ATG7: variants seen among roughly 807,000 people sequenced by gnomAD.
ATG7 encodes ubiquitin-like modifier-activating enzyme ATG7.
Under a neutral mutation model 82.4 loss-of-function variants are expected in ATG7, and 70 were observed. That is an observed-to-expected ratio of 0.85 (90% CI 0.70 to 1.04). The LOEUF is 1.04. ATG7 is among the 50% of genes least tolerant of loss of function. ATG7 has a pLI of 0.00. For synonymous variants in ATG7, 287 were observed against 313.0 expected (o/e 0.92, Z 0.88); for missense variants, 792 against 864.3 (o/e 0.92, Z 1.05).
In ATG7 at chr3:11,539,791, G is replaced by A. The variant is rs146713371; in HGVS notation, c.2080-15020G>A. On this transcript the variant is annotated intron_variant, in intron 20 of 20. Transcript: ENST00000693202. ...TGCACATTTCTGAGCTTTGAGAAAC[G>A]TACTCGCTTGTGGAACCAGCACAGT... Among the ~76,000 whole-genome samples the A allele has an allele frequency of 6.1e-4, 93 of 152,322 alleles. 1 individual carries two copies. The East Asian group carries it at 0.015, about 25-fold the overall frequency.
At chr3:11,545,286 TG>T (rs1419909332) in intron 20 of ATG7, among the ~76,000 whole-genome samples, 1 of 152,138 alleles carries the variant, frequency 6.6e-6, no homozygotes, top group Non-Finnish European at 1.5e-5. Flanking sequence ...ATGATGGGAT[TG>T]TTTTTTTGAG....
intron 20 of ATG7, among the ~76,000 whole-genome samples, chr3:11,515,463 C>T (rs2092247874): frequency 6.6e-6 from 1 of 152,166 alleles, no homozygotes; most frequent in South Asian, 2.1e-4. Context: ...GCCACCACGC[C>T]CAGCAAATTT....
rs577063912 is a variant in ATG7, at chr3:11,555,756, G to T, written c.*913G>T. 5 of 152,362 alleles carry T rather than the reference G, an allele frequency of 3.3e-5. No individual in the cohort carries two copies. Among genetic ancestry groups the T allele is most frequent in the Non-Finnish European group, 7.3e-5 (5 of 68,114 alleles). 9.4% of individuals were successfully genotyped at this position (152,362 alleles called of 1,614,324 possible). The stretch of plus-strand genomic sequence containing the variant: ...GTGCAGCTGTGAGGCCCCAACCCAG[G>T]AGAGGCCATGGCCTAGGTACCTGTG... On this transcript the variant is annotated 3_prime_UTR_variant, in exon 21 of 21. Transcript: ENST00000693202.
chr3:11,418,518 TCA>T (rs1408506376), intron 19 of ATG7, among the ~76,000 whole-genome samples: 1 of 152,214 alleles, frequency 6.6e-6, no homozygotes, highest in African/African-American at 2.4e-5. Flanking sequence ...TAAGTAAAAC[TCA>T]CAAAAGCATG....
chr3:11,337,802 G>T (rs57280872), intron 11 of ATG7, among the ~76,000 whole-genome samples: 3,167 of 151,892 alleles, frequency 0.021, 110 homozygotes, highest in African/African-American at 0.07. Context: ...GTAACCTTTT[G>T]AGTATAGAGA....
rs371374499 is a variant in ATG7, at chr3:11,485,973, C to T, written c.2079+59047C>T. Among the ~76,000 whole-genome samples, 155 of 152,200 alleles carry T rather than the reference C, an allele frequency of 1.0e-3. 1 individual carries two copies. The highest frequency in any genetic ancestry group is 1.6e-3 in the African/African-American group (65 of 41,520). On this transcript the variant is annotated intron_variant, in intron 20 of 20. Transcript: ENST00000693202. The stretch of plus-strand genomic sequence containing the variant: ...TGTAGTATAGTTTGAAGTCAGGTAG[C>T]GTGATGCCTCCAGCTTTGCTCTTTT...
intron 20 of ATG7, among the ~76,000 whole-genome samples, chr3:11,546,091 A>C (rs2071262912): frequency 1.4e-5 from 2 of 146,450 alleles, no homozygotes; most frequent in South Asian, 4.5e-4. Flanking sequence ...TGAGTTATAG[A>C]TGGCACCACA....
At chr3:11,528,842 A>G (rs1168963388) in intron 20 of ATG7, among the ~76,000 whole-genome samples, 1 of 151,962 alleles carries the variant, frequency 6.6e-6, no homozygotes, top group South Asian at 2.1e-4. Flanking sequence ...AAAAAAAAAA[A>G]AAAAGTTAAA....
intron 19 of ATG7, among the ~76,000 whole-genome samples, chr3:11,402,964 T>C (rs548506375): frequency 6.6e-6 from 1 of 152,318 alleles, no homozygotes; most frequent in South Asian, 2.1e-4. Context: ...GCTTTTAAAG[T>C]CTTAATTAAA....
intron 5 of ATG7, among the ~76,000 whole-genome samples, chr3:11,299,763 T>C (rs1183337463): frequency 6.6e-6 from 1 of 152,128 alleles, no homozygotes; most frequent in Non-Finnish European, 1.5e-5. Flanking sequence ...CCATGGGCAT[T>C]GTCCATGGGC....
At chr3:11,311,367 G>T (rs990722465) in intron 7 of ATG7, among the ~76,000 whole-genome samples, 1 of 152,026 alleles carries the variant, frequency 6.6e-6, no homozygotes. Flanking sequence ...GATTTGGGAG[G>T]CCGAGGTAGG....
At chr3:11,358,771 C>G (rs868509018) in intron 15 of ATG7, among the ~76,000 whole-genome samples, 159 bp downstream of exon 15, 1 of 152,186 alleles carries the variant, frequency 6.6e-6, no homozygotes, top group Non-Finnish European at 1.5e-5. Context: ...CTTTGCCTCG[C>G]ACACCATCAC....
At chr3:11,530,562 G>A (rs2092675858) in intron 20 of ATG7, among the ~76,000 whole-genome samples, 1 of 152,184 alleles carries the variant, frequency 6.6e-6, no homozygotes, top group Non-Finnish European at 1.5e-5. Flanking sequence ...TTCCAGACTT[G>A]ATGGTGAAAT....
the ATG7 span, among the ~76,000 whole-genome samples, chr3:11,566,295 A>C: frequency 1.2e-3 from 183 of 152,274 alleles, 1 homozygote; most frequent in Middle Eastern, 6.8e-3. Flanking sequence ...AGTTGTAAGA[A>C]ACAACACACG....
intron 1 of ATG7, among the ~76,000 whole-genome samples, chr3:11,278,570 C>T (rs1240184095): frequency 3.3e-5 from 5 of 152,140 alleles, no homozygotes; most frequent in African/African-American, 7.2e-5. Context: ...CTGTGAGGTG[C>T]GAAGACTGGT....
At chr3:11,546,809 A>T (rs578103297) in intron 20 of ATG7, among the ~76,000 whole-genome samples, 1 of 152,172 alleles carries the variant, frequency 6.6e-6, no homozygotes, top group Admixed American at 6.5e-5. Flanking sequence ...GCCCTCTTCC[A>T]TTGCAGGGCA....
intron 20 of ATG7, among the ~76,000 whole-genome samples, chr3:11,470,702 A>C (rs183164463): frequency 1.9e-3 from 288 of 152,286 alleles, no homozygotes; most frequent in African/African-American, 6.6e-3. Flanking sequence ...GGGCTGACAT[A>C]ATGTGAGGGC....
At chr3:11,573,608 G>A in the ATG7 span, among the ~76,000 whole-genome samples, 1 of 152,150 alleles carries the variant, frequency 6.6e-6, no homozygotes, top group South Asian at 2.1e-4. Flanking sequence ...GTGACATCTG[G>A]CCTTGGCAGC....
intron 20 of ATG7, among the ~76,000 whole-genome samples, chr3:11,452,897 A>C (rs1309651631): frequency 6.6e-6 from 1 of 152,220 alleles, no homozygotes; most frequent in African/African-American, 2.4e-5. Flanking sequence ...ACCAGTGTTC[A>C]CTAAGCACCT....
Sources: allele counts gnomAD v4.1 joint callset (sites outside exome capture counted in the v4.1 genomes callset), GRCh38; gene constraint gnomAD v4.1.1; transcripts MANE v1.5; gene names NCBI Gene and HGNC (gene_info 2026-07-23, HGNC 2026-07-21).